ZNF564: variants seen among roughly 807,000 people sequenced by gnomAD.
The protein encoded by ZNF564 is zinc finger protein 564.
Under a neutral mutation model 10.5 loss-of-function variants are expected in ZNF564, and 5 were observed. The ratio of observed to expected loss-of-function variants is 0.48; its 90% CI spans 0.25 to 1.00. The LOEUF (loss-of-function observed/expected upper bound fraction) is 1.00, where lower values mean the gene tolerates loss of function less well. Ranked by LOEUF, ZNF564 falls within the 50% of genes least tolerant of loss-of-function variation. The probability of loss-of-function intolerance (pLI) is 0.16; values close to 1 mark genes in which losing one functional copy is unlikely to be tolerated. For missense variants in ZNF564, 603 were observed against 669.7 expected, an observed-to-expected ratio of 0.90 and a Z score of 1.10; for synonymous variants, 242 against 218.1, an observed-to-expected ratio of 1.11 and a Z score of -0.97.
intron 1 of ZNF564, among the ~76,000 whole-genome samples, chr19:12,539,161 G>A (rs2021983062): frequency 6.7e-6 from 1 of 148,958 alleles, no homozygotes; most frequent in African/African-American, 2.5e-5. Flanking sequence ...TTGAATCTAG[G>A]AGGCAGACAT....
chr19:12,528,533 T>A, intron 2 of ZNF564, 37 bp downstream of exon 2: 2 of 1,607,872 alleles, frequency 1.2e-6, no homozygotes, highest in Non-Finnish European at 1.7e-6. Context: ...ATACTTCTTC[T>A]CTAACTGACT....
rs771231773 is a variant in ZNF564 at position 12,528,648 on chromosome 19, A to G, written c.52T>C (p.Trp18Arg). 3 of 1,613,706 alleles carry G rather than the reference A, an allele frequency of 1.9e-6. No homozygotes were observed. The highest frequency in any genetic ancestry group is 2.5e-6 in the Non-Finnish European group (3 of 1,179,920). Reference sequence around the variant, plus strand: ...TTCTGGGAAGGATCCAGCAAAGCCCACTCCTCAAGTGTGAAGTTCACAGCC... The same window carrying G: ...TTCTGGGAAGGATCCAGCAAAGCCCGCTCCTCAAGTGTGAAGTTCACAGCC... ...DVAVNFTLEE[W>R]ALLDPSQKKL... The change falls in exon 2 of 4, where the codon TGG (tryptophan) becomes CGG (arginine). Residue 18 changes from tryptophan (W) to arginine (R), a missense_variant. Coordinates refer to ENST00000339282, the MANE Select transcript of ZNF564 (RefSeq NM_144976.4).
chr19:12,544,161 T>A (rs576677258), intron 1 of ZNF564, among the ~76,000 whole-genome samples: 1 of 152,170 alleles, frequency 6.6e-6, no homozygotes, highest in South Asian at 2.1e-4. Flanking sequence ...CAACCATACA[T>A]CAGGGTTATG....
intron 1 of ZNF564, among the ~76,000 whole-genome samples, chr19:12,532,540 A>C (rs1211919488): frequency 2.0e-5 from 3 of 148,300 alleles, no homozygotes; most frequent in Admixed American, 2.0e-4. Flanking sequence ...GTCTCAAAAA[A>C]AAAAAAAAAA....
intron 1 of ZNF564, among the ~76,000 whole-genome samples, chr19:12,536,833 G>C (rs1174151000): frequency 6.6e-6 from 1 of 152,088 alleles, no homozygotes; most frequent in Non-Finnish European, 1.5e-5. Context: ...AACAGTAACA[G>C]ATTATATAGA....
chr19:12,550,634 C>T (rs2022237865), intron 1 of ZNF564: 1 of 156,592 alleles, frequency 6.4e-6, no homozygotes, highest in South Asian at 1.5e-4. Context: ...CCAGCCTGGG[C>T]GACAGAGCGA....
chr19:12,541,831 C>T (rs144389050), intron 1 of ZNF564, among the ~76,000 whole-genome samples: 1 of 149,154 alleles, frequency 6.7e-6, no homozygotes, highest in Non-Finnish European at 1.5e-5. Flanking sequence ...CTGGCTAATA[C>T]GGTGAAACCC....
At chr19:12,537,250 C>T (rs571886318) in intron 1 of ZNF564, among the ~76,000 whole-genome samples, 1 of 152,118 alleles carries the variant, frequency 6.6e-6, no homozygotes, top group South Asian at 2.1e-4. Context: ...GTTTCTGTAT[C>T]CTCAGATTCG....
chr19:12,537,369 A>T (rs753489688), intron 1 of ZNF564, among the ~76,000 whole-genome samples: 2 of 152,190 alleles, frequency 1.3e-5, no homozygotes, highest in Non-Finnish European at 2.9e-5. Context: ...ACACAATATA[A>T]CAACTATTTT....
chr19:12,548,676 C>T (rs747185304), intron 1 of ZNF564: 38 of 631,894 alleles, frequency 6.0e-5, no homozygotes, highest in Non-Finnish European at 1.0e-4. Flanking sequence ...ATGAAAAGCA[C>T]ATTTATCTAT....
At chr19:12,535,797 C>T (rs766631627) in intron 1 of ZNF564, among the ~76,000 whole-genome samples, 6 of 152,032 alleles carry the variant, frequency 3.9e-5, no homozygotes, top group African/African-American at 9.7e-5. Context: ...AGGCAGATCA[C>T]GAGGTCAAGA....
chr19:12,550,825 T>G (rs2022242233), intron 1 of ZNF564, among the ~76,000 whole-genome samples: 1 of 151,712 alleles, frequency 6.6e-6, no homozygotes, highest in South Asian at 2.1e-4. Context: ...GAACCGGAAA[T>G]TTAGGCATTT....
intron 1 of ZNF564, among the ~76,000 whole-genome samples, chr19:12,546,559 C>G (rs1468468956): frequency 6.6e-6 from 1 of 151,924 alleles, no homozygotes; most frequent in Non-Finnish European, 1.5e-5. Flanking sequence ...AACCCCGTCT[C>G]TACTAAAAAT....
chr19:12,533,439 A>C (rs1344308377), intron 1 of ZNF564, among the ~76,000 whole-genome samples: 1 of 152,216 alleles, frequency 6.6e-6, no homozygotes, highest in African/African-American at 2.4e-5. Flanking sequence ...CTAAGAGTCT[A>C]CTTCGGGCTG....
At chr19:12,544,339 C>A (rs777131554) in intron 1 of ZNF564, among the ~76,000 whole-genome samples, 47 of 152,302 alleles carry the variant, frequency 3.1e-4, no homozygotes, top group Non-Finnish European at 5.7e-4. Flanking sequence ...GATAACCCAT[C>A]TTCTGCCATC....
chr19:12,530,014 GA>G, intron 1 of ZNF564: 2 of 151,610 alleles, frequency 1.3e-5, no homozygotes, highest in East Asian at 1.9e-4. Context: ...AAGAAAGAAA[GA>G]AAAAAAGAAA....
At chr19:12,545,326 T>C (rs1398827799) in intron 1 of ZNF564, among the ~76,000 whole-genome samples, 1 of 149,994 alleles carries the variant, frequency 6.7e-6, no homozygotes, top group East Asian at 2.0e-4. Flanking sequence ...CGCACCCTAC[T>C]CTCCTCTCCT....
At chr19:12,534,114 G>C (rs1400481778) in intron 1 of ZNF564, among the ~76,000 whole-genome samples, 2 of 152,092 alleles carry the variant, frequency 1.3e-5, no homozygotes, top group Non-Finnish European at 2.9e-5. Flanking sequence ...TTAACAGTGA[G>C]AAACTAGATG....
chr19:12,531,764 GAAAC>G (rs1224319608), intron 1 of ZNF564, among the ~76,000 whole-genome samples: 3 of 151,932 alleles, frequency 2.0e-5, no homozygotes, highest in African/African-American at 7.3e-5. Flanking sequence ...GACAAAAAAA[GAAAC>G]AAAAGCAAGG....
Sources: allele counts gnomAD v4.1 joint callset (sites outside exome capture counted in the v4.1 genomes callset), GRCh38; gene constraint gnomAD v4.1.1; transcripts MANE v1.5; gene names NCBI Gene and HGNC (gene_info 2026-07-23, HGNC 2026-07-21).